The following ZNF563 variants were observed in gnomAD, a reference collection of about 807,000 sequenced individuals.
ZNF563 encodes zinc finger protein 563.
In ZNF563, 39 loss-of-function variants were observed where a neutral mutation model predicts 48.5. The observed-to-expected ratio is 0.80, with a 90% CI of 0.62 to 1.05. The LOEUF (loss-of-function observed/expected upper bound fraction) is 1.05. Ranked by LOEUF, ZNF563 falls within the 50% of genes least tolerant of loss-of-function variation. The pLI is 0.00. For missense variants in ZNF563, 538 were observed against 597.0 expected (o/e 0.90, Z 1.03); for synonymous variants, 168 against 187.9 (o/e 0.89, Z 0.87).
intron 1 of ZNF563, among the ~76,000 whole-genome samples, chr19:12,331,592 C>A (rs962644105): frequency 6.6e-6 from 1 of 152,158 alleles, no homozygotes; most frequent in South Asian, 2.1e-4. Context: ...AACTGAGTAT[C>A]CCAGGGCTTA....
chr19:12,346,387 A>G, the ZNF563 span: 1 of 152,204 alleles, frequency 6.6e-6, no homozygotes. Flanking sequence ...CAAAACCACA[A>G]TGAAAAAGCA....
chr19:12,338,739 C>G, the ZNF563 span, among the ~76,000 whole-genome samples: 8 of 152,070 alleles, frequency 5.3e-5, no homozygotes, highest in African/African-American at 1.9e-4. Context: ...GTAATCCCAG[C>G]TATTCGGGAG....
chr19:12,342,665 T>C, the ZNF563 span, among the ~76,000 whole-genome samples: 7 of 151,510 alleles, frequency 4.6e-5, no homozygotes, highest in East Asian at 1.4e-3. Flanking sequence ...CCCAATTACT[T>C]GGGAGGCTGT....
Position 12,326,464 on chromosome 19 carries a change from T to G in ZNF563, c.4-3753A>C, listed in dbSNP as rs552501619. On this transcript the variant is annotated intron_variant, in intron 1 of 3. Transcript: ENST00000293725. Reference sequence around the variant, plus strand: ...TTCGAGACCAGCCTGGCCAACATGGTGAAATCTCGTCTCTAATAAAAATAC... The same window carrying G: ...TTCGAGACCAGCCTGGCCAACATGGGGAAATCTCGTCTCTAATAAAAATAC... Among the ~76,000 whole-genome samples, 1,015 of 151,978 alleles carry G rather than the reference T, an allele frequency of 6.7e-3. 4 individuals are homozygous for G. Among genetic ancestry groups the G allele is most frequent in the Middle Eastern group, 0.01 (3 of 294 alleles).
At chr19:12,324,786 A>G (rs1436196222) in intron 1 of ZNF563, 1 of 152,008 alleles carries the variant, frequency 6.6e-6, no homozygotes, top group East Asian at 1.9e-4. Flanking sequence ...AAACAGATAA[A>G]GGATTTTGAA....
chr19:12,343,762 G>C, the ZNF563 span, among the ~76,000 whole-genome samples: 1 of 126,014 alleles, frequency 7.9e-6, no homozygotes, highest in Non-Finnish European at 1.6e-5. Flanking sequence ...ATGGAGTCTC[G>C]CTCTGTCGCC....
chr19:12,333,732 C>T (rs1762806385), upstream of ZNF563: 15 of 549,702 alleles, frequency 2.7e-5, no homozygotes, highest in South Asian at 3.6e-4. Flanking sequence ...TCTCACGACC[C>T]CGCCCCATAG....
At position 12,319,769 on chromosome 19, in the gene ZNF563, G is replaced by C; in HGVS notation, c.256C>G (p.Leu86Val). 1 of 1,614,102 alleles carries C rather than the reference G, an allele frequency of 6.2e-7. No individual in the cohort carries two copies. Among genetic ancestry groups the C allele is most frequent in the South Asian group, 1.1e-5 (1 of 91,076 alleles). ...DSSQCGETFS[L>V]IRDSIVNNSI... ...TTGTTCACAATACTATCTCGAATGAGGCTAAATGTTTCTCCACACTGACTA... is the reference window on the plus strand; with the variant it reads ...TTGTTCACAATACTATCTCGAATGACGCTAAATGTTTCTCCACACTGACTA... Residue 86 changes from leucine to valine, a missense_variant, in exon 4 of 4, where the codon CTC becomes GTC. Leu to Val is a conservative substitution (Grantham distance 32). Transcript: ENST00000293725.
chr19:12,334,553 C>T (rs906324466), upstream of ZNF563, among the ~76,000 whole-genome samples: 7 of 152,152 alleles, frequency 4.6e-5, no homozygotes, highest in African/African-American at 1.4e-4. Context: ...TGCATTTTCA[C>T]CAACAGGAAA....
intron 1 of ZNF563, among the ~76,000 whole-genome samples, chr19:12,327,556 T>G (rs1968825402): frequency 6.6e-6 from 1 of 151,922 alleles, no homozygotes; most frequent in Non-Finnish European, 1.5e-5. Flanking sequence ...ATATACATAT[T>G]AATTCAATTA....
rs1968479454 is a variant in ZNF563 at position 12,318,056 on chromosome 19, G to C, written c.*538C>G. The stretch of plus-strand genomic sequence containing the variant: ...GGGTCTGGCTCTGTCGCCCAGGCTG[G>C]GGTGCAGTGCATCTTGGCTCACTGC... On this transcript the variant is annotated 3_prime_UTR_variant, in exon 4 of 4. Transcript: ENST00000293725. 6.5e-6 allele frequency: 1 copy of C among 154,886 alleles called. No homozygotes were observed. Among genetic ancestry groups the C allele is most frequent in the Non-Finnish European group, 1.4e-5 (1 of 70,236 alleles). The allele number at this position is 154,886 out of a possible 1,614,324, so 9.6% of individuals were successfully genotyped here.
At chr19:12,332,366 A>C (rs1200513467) in intron 1 of ZNF563, among the ~76,000 whole-genome samples, 1 of 101,706 alleles carries the variant, frequency 9.8e-6, no homozygotes, top group African/African-American at 4.4e-5. Context: ...TTTTTTTTTG[A>C]GACGGAGTCT....
chr19:12,322,057 T>C (rs184033645), intron 2 of ZNF563, among the ~76,000 whole-genome samples: 10 of 152,222 alleles, frequency 6.6e-5, no homozygotes, highest in Admixed American at 2.0e-4. Context: ...TATTATTTTA[T>C]TTTATTTTAT....
intron 1 of ZNF563, among the ~76,000 whole-genome samples, chr19:12,325,575 T>C (rs115322274): frequency 6.6e-6 from 1 of 151,998 alleles, no homozygotes; most frequent in African/African-American, 2.4e-5. Flanking sequence ...GCACCCATTA[T>C]ATTGTGGAAC....
At chr19:12,338,270 CAG>C (rs1969038816), upstream of ZNF563, among the ~76,000 whole-genome samples, 1 of 152,122 alleles carries the variant, frequency 6.6e-6, no homozygotes. Flanking sequence ...TTTTTTGAGA[CAG>C]AGTCTTGCTC....
rs199878965 is a variant in ZNF563, at chr19:12,319,588, C to T, written c.437G>A (p.Arg146His). ...GTGATGGTAACTGAAGGCTTTCCCA[C>T]GTTGTTTATGTGTATGTGGCTTCTC... is the stretch of plus-strand genomic sequence containing the variant. ...YGEKPHTHKQ[R>H]GKAFSYHHSF... is the part of the protein sequence containing the mutation. Residue 146 changes from arginine (R) to histidine (H), a missense_variant, in exon 4 of 4, where the codon CGT (arginine) becomes CAT (histidine). Coordinates refer to ENST00000293725, the MANE Select transcript of ZNF563 (RefSeq NM_145276.3). The T allele has an allele frequency of 4.8e-5, 77 of 1,614,094 alleles. No homozygotes were observed. Among genetic ancestry groups the T allele is most frequent in the South Asian group, 9.9e-5 (9 of 91,090 alleles).
intron 1 of ZNF563, among the ~76,000 whole-genome samples, chr19:12,324,014 G>A (rs747631303): frequency 3.9e-5 from 6 of 152,162 alleles, no homozygotes; most frequent in Non-Finnish European, 5.9e-5. Context: ...TATCTCTTAT[G>A]AATATTTATA....
At chr19:12,332,284 G>C (rs1599577695) in intron 1 of ZNF563, among the ~76,000 whole-genome samples, 1 of 151,444 alleles carries the variant, frequency 6.6e-6, no homozygotes, top group African/African-American at 2.4e-5. Context: ...TTCATGTGCA[G>C]AGAATTTAAA....
chr19:12,338,815 G>A, the ZNF563 span, among the ~76,000 whole-genome samples: 3 of 152,078 alleles, frequency 2.0e-5, no homozygotes, highest in Non-Finnish European at 4.4e-5. Context: ...TCACACCATT[G>A]CACTCCAGCC....
Sources: allele counts gnomAD v4.1 joint callset (sites outside exome capture counted in the v4.1 genomes callset), GRCh38; gene constraint gnomAD v4.1.1; transcripts MANE v1.5; gene names NCBI Gene and HGNC (gene_info 2026-07-23, HGNC 2026-07-21).